The following IMMP2L variants were observed in gnomAD, a reference collection of about 807,000 sequenced individuals.
The protein encoded by IMMP2L is mitochondrial inner membrane protease subunit 2.
A neutral mutation model predicts 19.3 loss-of-function variants in IMMP2L; 18 were observed. The ratio of observed to expected loss-of-function variants is 0.93; its 90% CI spans 0.64 to 1.38. IMMP2L has a LOEUF of 1.38. IMMP2L is among the 40% of genes most tolerant of loss of function. The pLI is 0.00. For missense variants in IMMP2L, 233 were observed against 218.2 expected, an observed-to-expected ratio of 1.07 and a Z score of -0.43; for synonymous variants, 76 against 73.0, an observed-to-expected ratio of 1.04 and a Z score of -0.21.
intron 3 of IMMP2L, among the ~76,000 whole-genome samples, chr7:111,349,759 C>T (rs925972757): frequency 3.3e-5 from 5 of 152,036 alleles, no homozygotes; most frequent in African/African-American, 1.2e-4. Flanking sequence ...AAATACATGG[C>T]TTCTCTTAGT....
intron 5 of IMMP2L, among the ~76,000 whole-genome samples, chr7:110,830,180 G>T (rs1803843836): frequency 6.6e-6 from 1 of 152,014 alleles, no homozygotes; most frequent in Non-Finnish European, 1.5e-5. Flanking sequence ...TGCTTAGAAA[G>T]GAAAAAGGGA....
intron 3 of IMMP2L, among the ~76,000 whole-genome samples, chr7:111,329,824 T>TA (rs1321301580): frequency 6.6e-6 from 1 of 151,836 alleles, no homozygotes; most frequent in African/African-American, 2.4e-5. Context: ...TTGCTTACAA[T>TA]AACAGGAGAG....
intron 3 of IMMP2L, among the ~76,000 whole-genome samples, chr7:110,976,310 C>A (rs529281003): frequency 1.3e-5 from 2 of 152,038 alleles, no homozygotes; most frequent in African/African-American, 4.8e-5. Context: ...GAAGATATTG[C>A]TATTTAGTAT....
chr7:110,846,566 T>C (rs576964772), intron 5 of IMMP2L, among the ~76,000 whole-genome samples: 1 of 151,666 alleles, frequency 6.6e-6, no homozygotes, highest in African/African-American at 2.4e-5. Context: ...GGGTTTTACC[T>C]TGTTGGTCAG....
At chr7:110,888,488 C>G (rs1810454292) in intron 4 of IMMP2L, among the ~76,000 whole-genome samples, 1 of 152,114 alleles carries the variant, frequency 6.6e-6, no homozygotes, top group Non-Finnish European at 1.5e-5. Context: ...AATAACCATT[C>G]AAGAATTACA....
chr7:111,316,978 T>G (rs190058134), intron 3 of IMMP2L, among the ~76,000 whole-genome samples: 2 of 150,980 alleles, frequency 1.3e-5, no homozygotes, highest in East Asian at 4.0e-4. Context: ...GTCTCTCAAG[T>G]AGCTGGGATT....
intron 3 of IMMP2L, among the ~76,000 whole-genome samples, chr7:111,163,642 C>T (rs981827653): frequency 1.3e-5 from 2 of 151,956 alleles, no homozygotes; most frequent in Non-Finnish European, 2.9e-5. Context: ...GTTTCATGAG[C>T]TTTAGATGAG....
intron 5 of IMMP2L, among the ~76,000 whole-genome samples, chr7:110,838,592 G>C (rs952974514): frequency 6.6e-6 from 1 of 151,634 alleles, no homozygotes; most frequent in African/African-American, 2.4e-5. Flanking sequence ...ATAAAGACCC[G>C]AATGAGGACG....
intron 4 of IMMP2L, among the ~76,000 whole-genome samples, chr7:110,923,136 GA>G (rs1447596491): frequency 6.6e-6 from 1 of 152,046 alleles, no homozygotes; most frequent in African/African-American, 2.4e-5. Context: ...CTACAAAACA[GA>G]AAAAGAACAT....
intron 3 of IMMP2L, among the ~76,000 whole-genome samples, chr7:111,355,888 T>A (rs1159447417): frequency 6.6e-6 from 1 of 152,032 alleles, no homozygotes; most frequent in African/African-American, 2.4e-5. Flanking sequence ...ATTACATGTA[T>A]CTGAAAATAC....
chr7:111,083,797 T>A (rs1442927843), intron 3 of IMMP2L, among the ~76,000 whole-genome samples: 1 of 152,236 alleles, frequency 6.6e-6, no homozygotes, highest in African/African-American at 2.4e-5. Context: ...TTCTAGGTAC[T>A]TTAATTTCAG....
intron 4 of IMMP2L, among the ~76,000 whole-genome samples, chr7:110,905,950 T>C (rs1812406303): frequency 6.6e-6 from 1 of 152,174 alleles, no homozygotes; most frequent in Non-Finnish European, 1.5e-5. Context: ...TTCTGAAAAA[T>C]CTTTCTGTCA....
intron 3 of IMMP2L, among the ~76,000 whole-genome samples, chr7:111,225,075 A>C (rs1812934428): frequency 6.6e-6 from 1 of 152,104 alleles, no homozygotes; most frequent in Admixed American, 6.6e-5. Context: ...ACTTTTTTCC[A>C]CCAAACACTT....
intron 3 of IMMP2L, among the ~76,000 whole-genome samples, chr7:111,445,757 G>C (rs564960062): frequency 6.6e-6 from 1 of 152,186 alleles, no homozygotes; most frequent in Non-Finnish European, 1.5e-5. Flanking sequence ...CGTGAGTGAC[G>C]CAGAAGACGG....
chr7:110,822,852 C>G (rs1406754998), intron 5 of IMMP2L, among the ~76,000 whole-genome samples: 3 of 152,088 alleles, frequency 2.0e-5, no homozygotes, highest in Non-Finnish European at 4.4e-5. Flanking sequence ...TGTCTTTCTG[C>G]TCCATTGGCC....
At chr7:111,187,625 T>A (rs987201856) in intron 3 of IMMP2L, among the ~76,000 whole-genome samples, 2 of 152,144 alleles carry the variant, frequency 1.3e-5, no homozygotes, top group African/African-American at 4.8e-5. Flanking sequence ...ATGAACGTTG[T>A]CATTAGAATT....
At chr7:111,426,892 C>A (rs1836132514) in intron 3 of IMMP2L, among the ~76,000 whole-genome samples, 1 of 151,074 alleles carries the variant, frequency 6.6e-6, no homozygotes, top group African/African-American at 2.4e-5. Flanking sequence ...AAAATATTTA[C>A]CCATATACCT....
intron 3 of IMMP2L, among the ~76,000 whole-genome samples, chr7:111,047,861 TCTTGCACAC>T (rs1792562530): frequency 6.6e-6 from 1 of 152,152 alleles, no homozygotes; most frequent in African/African-American, 2.4e-5. Flanking sequence ...TCAGCCCAAT[TCTTGCACAC>T]CTTCCTTATC....
intron 5 of IMMP2L, among the ~76,000 whole-genome samples, chr7:110,688,778 G>T (rs1453650130): frequency 6.6e-6 from 1 of 151,972 alleles, no homozygotes; most frequent in African/African-American, 2.4e-5. Flanking sequence ...ACTGTGAATA[G>T]TGAAATCTTA....
Sources: gnomAD v4.1 joint callset for allele counts (sites outside exome capture counted in the v4.1 genomes callset) on GRCh38, gnomAD v4.1.1 for gene constraint, MANE v1.5 for transcripts, NCBI Gene and HGNC (gene_info 2026-07-23, HGNC 2026-07-21) for gene names.